Variants in UBE3B observed in about 807,000 individuals in gnomAD.
UBE3B encodes ubiquitin-protein ligase E3B.
UBE3B carries 80 observed loss-of-function variants against 132.3 expected under a neutral mutation model. The ratio of observed to expected loss-of-function variants is 0.60; its 90% CI spans 0.50 to 0.73. The LOEUF (loss-of-function observed/expected upper bound fraction) is 0.73, where lower values mean the gene tolerates loss of function less well. Among genes scored for constraint, UBE3B ranks in the 30% least tolerant of loss-of-function variants. The pLI is 0.00. For missense variants in UBE3B, 1,196 were observed against 1,362.5 expected (o/e 0.88, Z 1.92); for synonymous variants, 487 against 520.4 (o/e 0.94, Z 0.87).
Position 109,534,219 on chromosome 12 carries a change from C to T in UBE3B, c.3016-372C>T, listed in dbSNP as rs960324155. Reference sequence around the variant, plus strand: ...GTTGGCCCAAGTCATGGTCTGCCACCGGCCACAGCACCGGTGAGGAGGGAG... The same window carrying T: ...GTTGGCCCAAGTCATGGTCTGCCACTGGCCACAGCACCGGTGAGGAGGGAG... On this transcript the variant is annotated intron_variant, in intron 27 of 27. Coordinates refer to ENST00000342494, the MANE Select transcript of UBE3B (RefSeq NM_130466.4). This position sits in a 1 kb window ranked among gnomAD's most constrained non-coding sequence, Gnocchi z 5.2. The T allele has an allele frequency of 1.0e-5, 13 of 1,244,362 alleles. No individual in the cohort carries two copies. In the South Asian group the frequency reaches 1.4e-4, roughly 13 times the overall value. 77.1% of individuals were successfully genotyped at this position (1,244,362 alleles called of 1,614,324 possible). A position where few individuals can be genotyped will look rare whatever the true frequency, so the allele number is the denominator to read the frequency against.
chr12:109,488,697 C>T, intron 7 of UBE3B, 29 bp downstream of exon 7: 1 of 1,594,926 alleles, frequency 6.3e-7, no homozygotes, highest in South Asian at 1.1e-5. Flanking sequence ...AAAATGTTCT[C>T]TAACCAACAT....
chr12:109,523,169 C>T (rs1406394764), intron 21 of UBE3B, among the ~76,000 whole-genome samples: 16 of 152,340 alleles, frequency 1.1e-4, no homozygotes, highest in Admixed American at 9.1e-4. Flanking sequence ...TCATCAAGTC[C>T]GAGTGACTGT....
rs369770710 is a variant in UBE3B, at chr12:109,530,531, T to G, written c.2811-16T>G. ...ACGCTAGCACATTGCTGAGCCCAGG[T>G]CTGTATTGCTTTCAGGAAGCACACA... is the stretch of plus-strand genomic sequence containing the variant. On this transcript the variant is annotated splice_polypyrimidine_tract_variant and intron_variant, in intron 25 of 27. Coordinates refer to ENST00000342494, the MANE Select transcript of UBE3B (RefSeq NM_130466.4). The G allele has an allele frequency of 5.6e-5, 90 of 1,612,064 alleles. No individual in the cohort carries two copies. Among genetic ancestry groups the G allele is most frequent in the South Asian group, 3.0e-4 (27 of 91,038 alleles).
At chr12:109,507,055 A>C (rs766478816) in intron 14 of UBE3B, among the ~76,000 whole-genome samples, 7 of 152,226 alleles carry the variant, frequency 4.6e-5, no homozygotes, top group Non-Finnish European at 7.3e-5. Flanking sequence ...CTGATGGATG[A>C]ATTGTTTTTT....
intron 4 of UBE3B, 60 bp from the exon 5 acceptor site, chr12:109,485,943 CTTGTTTTCT>C: frequency 6.5e-7 from 1 of 1,536,170 alleles, no homozygotes; most frequent in Non-Finnish European, 8.8e-7. Flanking sequence ...CCGCTGAAGG[CTTGTTTTCT>C]TTGTTTTCAC....
intron 27 of UBE3B, chr12:109,533,887 T>C: frequency 7.5e-7 from 1 of 1,330,190 alleles, no homozygotes; most frequent in Non-Finnish European, 9.9e-7. Flanking sequence ...TGGGAGAAAG[T>C]GAGAGAGTGG....
chr12:109,529,606 C>G (rs1592971596), intron 24 of UBE3B, among the ~76,000 whole-genome samples: 2 of 152,134 alleles, frequency 1.3e-5, no homozygotes. Flanking sequence ...CTTGTGATTC[C>G]CGACATAGTG....
At chr12:109,533,873 A>T in intron 27 of UBE3B, 1 of 1,300,900 alleles carries the variant, frequency 7.7e-7, no homozygotes, top group Non-Finnish European at 1.0e-6. Context: ...GATCTGAGGC[A>T]GCATGGGAGA....
At chr12:109,530,798 C>T (rs1882858338) in intron 26 of UBE3B, 140 bp downstream of exon 26, 3 of 819,512 alleles carry the variant, frequency 3.7e-6, no homozygotes, top group Non-Finnish European at 5.7e-6. Context: ...CACAGGCAGG[C>T]CTCCCGGTAG....
At position 109,499,815 on chromosome 12, in the gene UBE3B, G is replaced by T; in HGVS notation, c.1118+5G>T. The T allele has an allele frequency of 6.3e-7, 1 of 1,579,112 alleles. No individual in the cohort carries two copies. Among genetic ancestry groups the T allele is most frequent in the Non-Finnish European group, 8.6e-7 (1 of 1,160,054 alleles). Reference sequence around the variant, plus strand: ...CTCCCAATCTGTGGATTATGGGTGAGTCCCAGATGCAAATCACTGTCTTTC... The same window carrying T: ...CTCCCAATCTGTGGATTATGGGTGATTCCCAGATGCAAATCACTGTCTTTC... On this transcript the variant is annotated splice_donor_5th_base_variant and intron_variant, in intron 12 of 27. Transcript: ENST00000342494.
chr12:109,490,135 G>A, intron 8 of UBE3B, 131 bp downstream of exon 8: 1 of 965,020 alleles, frequency 1.0e-6, no homozygotes, highest in Non-Finnish European at 1.6e-6. Flanking sequence ...CTTGATGCCT[G>A]CTGTCCTCTT....
At chr12:109,483,439 A>G in intron 2 of UBE3B, 92 bp from the exon 3 acceptor site, 1 of 1,356,062 alleles carries the variant, frequency 7.4e-7, no homozygotes, top group Non-Finnish European at 9.8e-7. Flanking sequence ...TCTGCTGCCC[A>G]GGTCCCTGCC....
intron 19 of UBE3B, chr12:109,519,990 G>A (rs1307870081): frequency 3.3e-5 from 5 of 152,268 alleles, no homozygotes; most frequent in East Asian, 1.9e-4. Flanking sequence ...CATACTGCTC[G>A]TTTGCTTTGT....
chr12:109,488,656 C>A lies in UBE3B; in HGVS notation c.532C>A (p.Leu178Ile), dbSNP rs375093429. 3.1e-6 allele frequency: 5 copies of A among 1,613,978 alleles called. No individual in the cohort carries two copies. Among genetic ancestry groups the A allele is most frequent in the African/African-American group, 1.3e-5 (1 of 74,938 alleles). The change falls in exon 7 of 28, where the codon CTT (leucine) becomes ATT (isoleucine). Residue 178 changes from leucine to isoleucine, a missense_variant. Physicochemically the swap from Leu to Ile is conservative, Grantham distance 5. Transcript: ENST00000342494. ...CACAGACACTTCAACGTGGAAAATT[C>A]TTCGGGGAAAAGGTCTGTGGGACTT... ...TFTDTSTWKI[L>I]RGKGESLRPA...
At position 109,529,702 on chromosome 12, in the gene UBE3B, C is replaced by T. The variant is rs376922633; in HGVS notation, c.2628-188C>T. Among the ~76,000 whole-genome samples the T allele has an allele frequency of 2.6e-5, 4 of 152,196 alleles. No homozygotes were observed. In the South Asian group the frequency reaches 6.2e-4, roughly 24 times the overall value. ...CAAAGGCTTGATGTGCACACAGTGG[C>T]GTATGGTGTGCAGTTCGTGAGTGCT... On this transcript the variant is annotated intron_variant, in intron 24 of 27. Coordinates refer to ENST00000342494, the MANE Select transcript of UBE3B (RefSeq NM_130466.4).
chr12:109,483,483 T>G, intron 2 of UBE3B, 48 bp from the exon 3 acceptor site: 1 of 1,497,916 alleles, frequency 6.7e-7, no homozygotes, highest in Non-Finnish European at 8.9e-7. Flanking sequence ...TCTGTGTGTG[T>G]TTTTCACACA....
chr12:109,528,344 T>A, intron 24 of UBE3B: 1 of 985,342 alleles, frequency 1.0e-6, no homozygotes, highest in Non-Finnish European at 1.2e-6. Flanking sequence ...GCAGTACTCG[T>A]CACCTGCTTC....
Position 109,521,817 on chromosome 12 carries a change from C to T in UBE3B, c.2364+266C>T, listed in dbSNP as rs1022103599. Among the ~76,000 whole-genome samples the T allele has an allele frequency of 2.6e-5, 4 of 152,106 alleles. No homozygotes were observed. The highest frequency in any genetic ancestry group is 5.9e-5 in the Non-Finnish European group (4 of 68,020). ...GGAGACCTGAAGCTTTGAGGAGTCA[C>T]CTGTCCAGAGTTTCGTTGCTAGTTA... On this transcript the variant is annotated intron_variant, in intron 21 of 27. Transcript: ENST00000342494. This position sits in a 1 kb window ranked among gnomAD's most constrained non-coding sequence, Gnocchi z 4.2.
intron 19 of UBE3B, chr12:109,517,783 G>A (rs1881242303): frequency 1.1e-5 from 3 of 273,846 alleles, no homozygotes; most frequent in South Asian, 9.5e-5. Context: ...GGACAGTCAC[G>A]GGATCCCCTG....
Sources: allele counts gnomAD v4.1 joint callset (sites outside exome capture counted in the v4.1 genomes callset), GRCh38; gene constraint gnomAD v4.1.1; non-coding constraint Gnocchi (gnomAD v3.1); transcripts MANE v1.5; gene names NCBI Gene and HGNC (gene_info 2026-07-23, HGNC 2026-07-21).